Variants in TXLNB observed in about 807,000 individuals in gnomAD.
TXLNB encodes the protein beta-taxilin.
Under a neutral mutation model 57.4 loss-of-function variants are expected in TXLNB, and 37 were observed. The ratio of observed to expected loss-of-function variants is 0.64; its 90% CI spans 0.50 to 0.85. TXLNB has a LOEUF of 0.85. Ranked by LOEUF, TXLNB falls within the 40% of genes least tolerant of loss-of-function variation. TXLNB has a pLI of 0.00. For synonymous variants in TXLNB, 302 were observed against 309.6 expected (o/e 0.98, Z 0.26); for missense variants, 848 against 825.6 (o/e 1.03, Z -0.33).
chr6:139,188,732 A>G, the TXLNB span, among the ~76,000 whole-genome samples: 127 of 150,044 alleles, frequency 8.5e-4, no homozygotes, highest in African/African-American at 3.1e-3. Context: ...TGGAATCTCA[A>G]TTGTTTTCCA....
At chr6:139,270,695 C>A in intron 3 of TXLNB, 69 bp from the exon 4 acceptor site, 1 of 1,398,628 alleles carries the variant, frequency 7.1e-7, no homozygotes. Flanking sequence ...AGAAAAAAAG[C>A]AAACCTAAAG....
the TXLNB span, among the ~76,000 whole-genome samples, chr6:139,317,590 A>G: frequency 2.0e-5 from 3 of 152,052 alleles, no homozygotes; most frequent in Admixed American, 6.5e-5. Flanking sequence ...TAGTAGAGAC[A>G]GGGTTTCACC....
chr6:139,204,537 G>A, the TXLNB span, among the ~76,000 whole-genome samples: 1 of 152,166 alleles, frequency 6.6e-6, no homozygotes, highest in East Asian at 1.9e-4. Flanking sequence ...GCTCCCAACT[G>A]AATTTTGTGA....
the TXLNB span, among the ~76,000 whole-genome samples, chr6:139,184,256 G>GT: frequency 6.6e-6 from 1 of 152,236 alleles, no homozygotes; most frequent in Non-Finnish European, 1.5e-5. Context: ...CTCAATATAT[G>GT]TATCAGTGGA....
chr6:139,292,108 ACGC>A, upstream of TXLNB: 1 of 153,548 alleles, frequency 6.5e-6, no homozygotes, highest in Non-Finnish European at 1.4e-5. The surrounding 1 kb of genome is among the most constrained non-coding windows in gnomAD (Gnocchi z 4.0). Flanking sequence ...ACACACACAC[ACGC>A]CACAGGCACT....
the TXLNB span, among the ~76,000 whole-genome samples, chr6:139,308,228 A>G: frequency 6.6e-6 from 1 of 152,224 alleles, no homozygotes; most frequent in South Asian, 2.1e-4. Context: ...TCTGGCTACC[A>G]TGGGCATGTA....
At chr6:139,203,315 C>A in the TXLNB span, among the ~76,000 whole-genome samples, 1 of 152,182 alleles carries the variant, frequency 6.6e-6, no homozygotes. Flanking sequence ...CCTTTCACAG[C>A]CTAATTCAAA....
At chr6:139,248,677 A>G (rs1023385278) in intron 7 of TXLNB, among the ~76,000 whole-genome samples, 2 of 152,194 alleles carry the variant, frequency 1.3e-5, no homozygotes. Context: ...CAACTTGACT[A>G]TGGGACAATG....
intron 7 of TXLNB, among the ~76,000 whole-genome samples, chr6:139,250,502 A>G (rs1238929533): frequency 6.6e-6 from 1 of 151,716 alleles, no homozygotes; most frequent in African/African-American, 2.4e-5. Context: ...TATCCTGTAC[A>G]TCATCCATTG....
chr6:139,224,294 T>C, the TXLNB span, among the ~76,000 whole-genome samples: 1 of 98,874 alleles, frequency 1.0e-5, no homozygotes, highest in East Asian at 3.2e-4. Context: ...TGGGGACTAT[T>C]GTGGGGTGGG....
At chr6:139,321,815 G>A in the TXLNB span, among the ~76,000 whole-genome samples, 1 of 151,666 alleles carries the variant, frequency 6.6e-6, no homozygotes, top group Non-Finnish European at 1.5e-5. Context: ...TGTATTTTTA[G>A]TAGAGACAGG....
the TXLNB span, among the ~76,000 whole-genome samples, chr6:139,223,221 G>A: frequency 6.6e-6 from 1 of 152,138 alleles, no homozygotes; most frequent in Non-Finnish European, 1.5e-5. Context: ...ATATGTGAAA[G>A]ACGAAATCAC....
chr6:139,233,911 C>A, the TXLNB span, among the ~76,000 whole-genome samples: 1 of 152,064 alleles, frequency 6.6e-6, no homozygotes, highest in Non-Finnish European at 1.5e-5. Flanking sequence ...GTTTGGAATT[C>A]CCTTCCTAGA....
the TXLNB span, among the ~76,000 whole-genome samples, chr6:139,165,734 G>A: frequency 6.6e-6 from 1 of 152,144 alleles, no homozygotes; most frequent in African/African-American, 2.4e-5. Flanking sequence ...TAAGAATTGG[G>A]TTAGCGGATT....
the TXLNB span, chr6:139,174,467 G>A: frequency 5.6e-6 from 9 of 1,614,062 alleles, no homozygotes; most frequent in African/African-American, 2.7e-5. Context: ...GTAAGTCACG[G>A]TGGGATGGCA....
chr6:139,280,547 A>AG (rs11380167), intron 2 of TXLNB, among the ~76,000 whole-genome samples: 46,005 of 151,860 alleles, frequency 0.3, 7,250 homozygotes, highest in African/African-American at 0.39. Flanking sequence ...TGGGAAACTG[A>AG]GCAGGAGACT....
the TXLNB span, among the ~76,000 whole-genome samples, chr6:139,232,379 T>G: frequency 6.6e-6 from 1 of 152,196 alleles, no homozygotes; most frequent in African/African-American, 2.4e-5. Flanking sequence ...GGGATTACAA[T>G]TCAAGATGAG....
the TXLNB span, among the ~76,000 whole-genome samples, chr6:139,175,251 A>G: frequency 1.3e-5 from 2 of 152,156 alleles, no homozygotes; most frequent in Non-Finnish European, 2.9e-5. Flanking sequence ...GGGGAAGAAA[A>G]CAGCTTGTTA....
At chr6:139,238,316 C>T (rs1372431657), downstream of TXLNB, among the ~76,000 whole-genome samples, 2 of 152,152 alleles carry the variant, frequency 1.3e-5, no homozygotes, top group East Asian at 3.9e-4. Context: ...CTGGCTTAAA[C>T]CTGGGAGGTG....
Sources: gnomAD v4.1 joint callset for allele counts (sites outside exome capture counted in the v4.1 genomes callset) on GRCh38, gnomAD v4.1.1 for gene constraint, Gnocchi (gnomAD v3.1) non-coding constraint, MANE v1.5 for transcripts, NCBI Gene and HGNC (gene_info 2026-07-23, HGNC 2026-07-21) for gene names.